ESRRG: variants seen among roughly 807,000 people sequenced by gnomAD.
ESRRG encodes the protein estrogen related receptor gamma.
In ESRRG, 13 loss-of-function variants were observed where a neutral mutation model predicts 44.0. That is an observed-to-expected ratio of 0.30 (90% CI 0.19 to 0.47). The LOEUF is 0.47. ESRRG is among the 20% of genes least tolerant of loss of function. The pLI, the probability that ESRRG is intolerant of heterozygous loss-of-function variation, is 1.00. For missense variants in ESRRG, 395 were observed against 580.6 expected (o/e 0.68, Z 3.29); for synonymous variants, 215 against 214.6 (o/e 1.00, Z -0.02).
intron 2 of ESRRG, among the ~76,000 whole-genome samples, chr1:216,874,015 G>C (rs2096306286): frequency 7.4e-6 from 1 of 135,718 alleles, no homozygotes; most frequent in Admixed American, 7.4e-5. Context: ...GAGTGGGTTG[G>C]GAGGGAGGGA....
At chr1:216,922,003 G>A (rs1046959166) in intron 2 of ESRRG, among the ~76,000 whole-genome samples, 2 of 152,154 alleles carry the variant, frequency 1.3e-5, no homozygotes, top group African/African-American at 4.8e-5. Flanking sequence ...GTGAGTGGGT[G>A]TGCACTGCTT....
chr1:216,965,484 C>T (rs543103198), intron 1 of ESRRG, among the ~76,000 whole-genome samples: 9 of 152,254 alleles, frequency 5.9e-5, no homozygotes, highest in East Asian at 1.9e-4. Flanking sequence ...AACCAGGGCA[C>T]GAGAGGCCCT....
rs1004576204 is a variant in ESRRG, at chr1:216,707,471, G to A, written c.56+15773C>T. 105 of 1,534,224 alleles carry A rather than the reference G, an allele frequency of 6.8e-5. No individual in the cohort carries two copies. The African/African-American group carries it at 1.2e-3, about 17-fold the overall frequency. On this transcript the variant is annotated intron_variant, in intron 1 of 6. Coordinates refer to ENST00000408911, the MANE Select transcript of ESRRG (RefSeq NM_001438.4). ...CAATTCCTAATTACATTCATGATGG[G>A]AACTTTACATCAGTTCTAAAAAGCC...
chr1:217,097,866 T>C (rs1267717333), intron 1 of ESRRG, among the ~76,000 whole-genome samples: 1 of 147,532 alleles, frequency 6.8e-6, no homozygotes, highest in Admixed American at 6.8e-5. Context: ...AAAAAGATGA[T>C]CTCAGGGATT....
intron 1 of ESRRG, among the ~76,000 whole-genome samples, chr1:216,713,477 A>G (rs1042635098): frequency 6.6e-6 from 1 of 152,160 alleles, no homozygotes; most frequent in African/African-American, 2.4e-5. Flanking sequence ...TGATCAGCTA[A>G]GTTTCAAATA....
chr1:216,691,432 A>G lies in ESRRG; in HGVS notation c.57-13941T>C, dbSNP rs536133743. ...AGCAACTGGAATAAATTTAAAAATT[A>G]TTTTATCACCAATTTGCCAAATGCT... On this transcript the variant is annotated intron_variant, in intron 1 of 6. Transcript: ENST00000408911. Among the ~76,000 whole-genome samples, 5 of 152,260 alleles carry G rather than the reference A, an allele frequency of 3.3e-5. No individual in the cohort carries two copies. In the East Asian group the frequency reaches 9.7e-4, roughly 29 times the overall value.
intron 2 of ESRRG, among the ~76,000 whole-genome samples, chr1:216,835,495 G>A (rs2095550456): frequency 6.6e-6 from 1 of 152,196 alleles, no homozygotes; most frequent in East Asian, 1.9e-4. Context: ...ACACTCCCAA[G>A]TTAGGTTCTC....
At chr1:216,665,017 A>G (rs1574992651) in intron 2 of ESRRG, among the ~76,000 whole-genome samples, 1 of 152,204 alleles carries the variant, frequency 6.6e-6, no homozygotes, top group African/African-American at 2.4e-5. Context: ...AATGTGGTCT[A>G]TCCATACAGT....
At chr1:216,571,378 G>C (rs1404371616) in intron 3 of ESRRG, among the ~76,000 whole-genome samples, 2 of 152,106 alleles carry the variant, frequency 1.3e-5, no homozygotes, top group African/African-American at 4.8e-5. Flanking sequence ...GAGAGGCAGA[G>C]GTTGCAGTGA....
chr1:216,621,980 G>A (rs1033020567), intron 3 of ESRRG, among the ~76,000 whole-genome samples: 3 of 152,124 alleles, frequency 2.0e-5, no homozygotes, highest in Admixed American at 6.6e-5. Flanking sequence ...CATCACAGAC[G>A]TGCACTTGTG....
chr1:216,751,617 G>C (rs1218163791), intron 2 of ESRRG, among the ~76,000 whole-genome samples: 1 of 151,782 alleles, frequency 6.6e-6, no homozygotes, highest in Non-Finnish European at 1.5e-5. Context: ...AGGCATCAGG[G>C]CCTGGGAGCC....
chr1:216,573,870 C>G (rs10495031), intron 3 of ESRRG, among the ~76,000 whole-genome samples: 27,183 of 151,804 alleles, frequency 0.18, 3,070 homozygotes, highest in Middle Eastern at 0.26. Flanking sequence ...ATATTCAAAC[C>G]AACCATTTTA....
At position 217,115,799 on chromosome 1, in the gene ESRRG, T is replaced by A. The variant is rs552544199; in HGVS notation, c.-230+21868A>T. 2.3e-3 allele frequency among the ~76,000 whole-genome samples: 345 copies of A among 152,266 alleles called. 1 individual carries two copies. The highest frequency in any genetic ancestry group is 8.1e-3 in the African/African-American group (336 of 41,532). On this transcript the variant is annotated intron_variant, in intron 1 of 8. Transcript: ENST00000366940. ...GGATATATGAAACAGTTTCTTCTTG[T>A]CGATCTACCTACTCATATTGCTCAC... is the stretch of plus-strand genomic sequence containing the variant.
chr1:216,629,701 G>A (rs1030350372), intron 3 of ESRRG, among the ~76,000 whole-genome samples: 2 of 152,036 alleles, frequency 1.3e-5, no homozygotes, highest in African/African-American at 4.8e-5. Flanking sequence ...AATAGAACAG[G>A]GATCATTAGA....
At chr1:216,568,164 A>G in intron 3 of ESRRG, 66 bp from the exon 4 acceptor site, 1 of 1,081,988 alleles carries the variant, frequency 9.2e-7, no homozygotes, top group Non-Finnish European at 1.4e-6. Flanking sequence ...TCAAATACCT[A>G]GATGGTATCC....
intron 1 of ESRRG, among the ~76,000 whole-genome samples, chr1:217,013,975 G>A (rs1278402412): frequency 6.6e-6 from 1 of 152,022 alleles, no homozygotes; most frequent in African/African-American, 2.4e-5. Flanking sequence ...TGCCCACCTA[G>A]GTAAATAATG....
chr1:216,804,422 G>A (rs971355061), intron 2 of ESRRG, among the ~76,000 whole-genome samples: 1 of 152,096 alleles, frequency 6.6e-6, no homozygotes, highest in Non-Finnish European at 1.5e-5. Context: ...TCAGGCAAGT[G>A]GAACCAACAC....
At chr1:216,926,270 C>T (rs1359229126) in intron 2 of ESRRG, among the ~76,000 whole-genome samples, 1 of 152,180 alleles carries the variant, frequency 6.6e-6, no homozygotes, top group Non-Finnish European at 1.5e-5. Flanking sequence ...AAGGGACACA[C>T]CACACTCTCA....
intron 2 of ESRRG, among the ~76,000 whole-genome samples, chr1:216,937,752 A>C (rs1285324237): frequency 6.6e-6 from 1 of 152,208 alleles, no homozygotes; most frequent in East Asian, 1.9e-4. Context: ...AGGATGTTGC[A>C]GGGGAAAGAG....
Sources: allele counts gnomAD v4.1 joint callset (sites outside exome capture counted in the v4.1 genomes callset), GRCh38; gene constraint gnomAD v4.1.1; transcripts MANE v1.5; gene names NCBI Gene and HGNC (gene_info 2026-07-23, HGNC 2026-07-21).